ALK: variants seen among roughly 807,000 people sequenced by gnomAD.
ALK encodes ALK tyrosine kinase receptor.
In ALK, 74 loss-of-function variants were observed where a neutral mutation model predicts 163.1. The observed-to-expected ratio is 0.45, with a 90% CI of 0.38 to 0.55. The LOEUF is 0.55. Among genes scored for constraint, ALK ranks in the 20% least tolerant of loss-of-function variants. The pLI is 0.00. For missense variants in ALK, 2,063 were observed against 2,105.3 expected (o/e 0.98, Z 0.39); for synonymous variants, 960 against 843.2 (o/e 1.14, Z -2.40).
At position 29,439,823 on chromosome 2, in the gene ALK, G is replaced by A. The variant is rs542770271; in HGVS notation, c.1155-55964C>T. Among the ~76,000 whole-genome samples the A allele has an allele frequency of 8.5e-5, 13 of 152,274 alleles. No homozygotes were observed. The East Asian group carries it at 2.5e-3, about 29-fold the overall frequency. On this transcript the variant is annotated intron_variant, in intron 4 of 28. Coordinates refer to ENST00000389048, the MANE Select transcript of ALK (RefSeq NM_004304.5). ...CCACCAGAAGCTAGGAAGTGGTAAG[G>A]ATTCTACCCAGAGTCTCAGAGAGAA... is the stretch of plus-strand genomic sequence containing the variant.
chr2:29,372,415 C>T (rs1276282543), intron 5 of ALK, among the ~76,000 whole-genome samples: 2 of 152,204 alleles, frequency 1.3e-5, no homozygotes, highest in Admixed American at 1.3e-4. Context: ...TTCTTGATGA[C>T]TCATACCAAT....
rs754749338 is a variant in ALK at position 29,197,492 on chromosome 2, A to G, written c.4073+50T>C. On this transcript the variant is annotated intron_variant, in intron 27 of 28. Transcript: ENST00000389048. ...ATATGTGGCTCTGGATATTTTTTGA[A>G]AAGAAAAACTGCTTAGTAACTAGCA... 3.7e-6 allele frequency: 6 copies of G among 1,606,546 alleles called. No homozygotes were observed. In the East Asian group the frequency reaches 1.1e-4, roughly 30 times the overall value.
intron 1 of ALK, among the ~76,000 whole-genome samples, chr2:29,797,029 TACAC>T (rs568655494): frequency 7.6e-6 from 1 of 131,894 alleles, no homozygotes; most frequent in South Asian, 2.3e-4. Context: ...CACACACACA[TACAC>T]ACACATATAT....
chr2:29,277,656 C>T (rs1354753590), intron 9 of ALK, among the ~76,000 whole-genome samples: 1 of 152,234 alleles, frequency 6.6e-6, no homozygotes, highest in African/African-American at 2.4e-5. Context: ...AGTCTCCATG[C>T]TACCCTCAGT....
chr2:29,253,896 G>GATAGA (rs768169089), intron 11 of ALK, among the ~76,000 whole-genome samples: 31 of 141,886 alleles, frequency 2.2e-4, no homozygotes, highest in Admixed American at 1.4e-3. Flanking sequence ...AGATAGATAG[G>GATAGA]TAGATAGCTG....
chr2:29,743,837 T>A (rs1321522123), intron 1 of ALK, among the ~76,000 whole-genome samples: 2 of 152,130 alleles, frequency 1.3e-5, no homozygotes, highest in African/African-American at 4.8e-5. Context: ...ATGAGGATTC[T>A]ATGAGAATTG....
At chr2:29,340,457 G>T (rs142810475) in intron 5 of ALK, among the ~76,000 whole-genome samples, 29 of 152,250 alleles carry the variant, frequency 1.9e-4, no homozygotes, top group African/African-American at 7.0e-4. Context: ...GGTGGATTCA[G>T]CCCTCTTAAA....
intron 3 of ALK, among the ~76,000 whole-genome samples, chr2:29,632,458 T>C (rs1001562643): frequency 1.3e-5 from 2 of 152,178 alleles, no homozygotes; most frequent in African/African-American, 4.8e-5. Flanking sequence ...AAAGTTATAG[T>C]AAATAATATT....
At chr2:29,201,814 C>T (rs1044335672) in intron 26 of ALK, among the ~76,000 whole-genome samples, 3 of 151,280 alleles carry the variant, frequency 2.0e-5, no homozygotes, top group African/African-American at 7.3e-5. Flanking sequence ...AATCTGACTA[C>T]TTTGCGCTAC....
chr2:29,571,763 T>G (rs1192459421), intron 3 of ALK, among the ~76,000 whole-genome samples: 1 of 151,826 alleles, frequency 6.6e-6, no homozygotes, highest in South Asian at 2.1e-4. Context: ...ACTACAGGTG[T>G]GCACCACCGT....
At chr2:29,362,670 A>G (rs555489380) in intron 5 of ALK, among the ~76,000 whole-genome samples, 9 of 152,234 alleles carry the variant, frequency 5.9e-5, no homozygotes, top group African/African-American at 2.2e-4. Context: ...CCCCATTTCC[A>G]CAGCACTGCG....
intron 3 of ALK, among the ~76,000 whole-genome samples, chr2:29,562,456 C>G (rs1674051304): frequency 6.6e-6 from 1 of 152,178 alleles, no homozygotes; most frequent in Admixed American, 6.6e-5. Flanking sequence ...TCTAGTTTAT[C>G]AGTTTTCTCT....
At chr2:29,336,593 T>C (rs975723414) in intron 5 of ALK, among the ~76,000 whole-genome samples, 2 of 152,216 alleles carry the variant, frequency 1.3e-5, no homozygotes, top group Non-Finnish European at 2.9e-5. Flanking sequence ...GGTGATTTAT[T>C]GGGTTCACTC....
chr2:29,539,600 T>G (rs1397797885), intron 3 of ALK, among the ~76,000 whole-genome samples: 1 of 116,628 alleles, frequency 8.6e-6, no homozygotes, highest in Non-Finnish European at 1.9e-5. Flanking sequence ...TGACAGGTTC[T>G]CTTGAGCACA....
At chr2:29,211,664 A>G (rs1412289925) in intron 24 of ALK, among the ~76,000 whole-genome samples, 1 of 152,218 alleles carries the variant, frequency 6.6e-6, no homozygotes, top group Non-Finnish European at 1.5e-5. Context: ...GGGTGGAGGG[A>G]GAGAGAGAAT....
rs114663045 is a variant in ALK, at chr2:29,528,446, G to C, written c.1154+3469C>G. ...GCTCCCTAGCCGGCTGCTTCTGCTG[G>C]ATCTGCCACTAGCGATCTTAGCTCA... On this transcript the variant is annotated intron_variant, in intron 4 of 28. Transcript: ENST00000389048. 6.5e-3 allele frequency among the ~76,000 whole-genome samples: 995 copies of C among 152,284 alleles called. 9 individuals are homozygous for C. Among genetic ancestry groups the C allele is most frequent in the African/African-American group, 0.022 (900 of 41,542 alleles).
Position 29,546,687 on chromosome 2 carries a change from G to A in ALK, c.953-14571C>T, listed in dbSNP as rs1673563802. 2.6e-5 allele frequency among the ~76,000 whole-genome samples: 4 copies of A among 152,328 alleles called. No homozygotes were observed. The South Asian group carries it at 8.3e-4, about 32-fold the overall frequency. The stretch of plus-strand genomic sequence containing the variant: ...TCAATTTTTGCTTTAAGTCCCAGAT[G>A]TCAAGGGATAAACATCTTCTATGTT... On this transcript the variant is annotated intron_variant, in intron 3 of 28. Coordinates refer to ENST00000389048, the MANE Select transcript of ALK (RefSeq NM_004304.5).
chr2:29,832,900 T>C (rs768744881), intron 1 of ALK, among the ~76,000 whole-genome samples: 11 of 152,172 alleles, frequency 7.2e-5, no homozygotes, highest in Non-Finnish European at 1.5e-4. Context: ...CAGGAGAAGC[T>C]TGCTTCCTGA....
At chr2:29,614,297 C>T (rs1573499935) in intron 3 of ALK, among the ~76,000 whole-genome samples, 1 of 152,208 alleles carries the variant, frequency 6.6e-6, no homozygotes, top group South Asian at 2.1e-4. Context: ...TGGATCATGT[C>T]GCCTCTCGAA....
Sources: gnomAD v4.1 joint callset for allele counts (sites outside exome capture counted in the v4.1 genomes callset) on GRCh38, gnomAD v4.1.1 for gene constraint, MANE v1.5 for transcripts, NCBI Gene and HGNC (gene_info 2026-07-23, HGNC 2026-07-21) for gene names.